RASGRP3: variants seen among roughly 807,000 people sequenced by gnomAD.
The protein encoded by RASGRP3 is ras guanyl-releasing protein 3.
Under a neutral mutation model 82.7 loss-of-function variants are expected in RASGRP3, and 54 were observed. The ratio of observed to expected loss-of-function variants is 0.65; its 90% CI spans 0.52 to 0.82. The LOEUF is 0.82. Ranked by LOEUF, RASGRP3 falls within the 40% of genes least tolerant of loss-of-function variation. RASGRP3 has a pLI of 0.00. For missense variants in RASGRP3, 861 were observed against 828.9 expected (o/e 1.04, Z -0.48); for synonymous variants, 309 against 300.5 (o/e 1.03, Z -0.29).
At chr2:33,474,570 T>C (rs2150921916), upstream of RASGRP3, among the ~76,000 whole-genome samples, 1 of 152,312 alleles carries the variant, frequency 6.6e-6, no homozygotes, top group East Asian at 1.9e-4. Context: ...CCCAAAGTGC[T>C]GGGATTATAG....
intron 5 of RASGRP3, 124 bp from the exon 6 acceptor site, chr2:33,520,429 T>A (rs1671914546): frequency 7.8e-7 from 1 of 1,274,594 alleles, no homozygotes; most frequent in Admixed American, 2.1e-5. Context: ...GATGGCTAAT[T>A]TGAAGTGTGG....
chr2:33,502,873 T>A (rs1574359043), intron 1 of RASGRP3, among the ~76,000 whole-genome samples: 1 of 152,108 alleles, frequency 6.6e-6, no homozygotes, highest in African/African-American at 2.4e-5. Flanking sequence ...CCTCTTTCTT[T>A]CTCATTCTCT....
chr2:33,542,416 A>G (rs1410298333), intron 12 of RASGRP3, among the ~76,000 whole-genome samples: 1 of 147,202 alleles, frequency 6.8e-6, no homozygotes, highest in Non-Finnish European at 1.5e-5. Context: ...TGTTTTCAAC[A>G]TGCCCACTTT....
At chr2:33,478,072 G>T (rs1667540184) in intron 1 of RASGRP3, among the ~76,000 whole-genome samples, 1 of 152,114 alleles carries the variant, frequency 6.6e-6, no homozygotes, top group South Asian at 2.1e-4. Flanking sequence ...GTGGAGAATG[G>T]ATTAAAAATG....
chr2:33,484,878 A>G (rs913016794), intron 1 of RASGRP3, among the ~76,000 whole-genome samples: 4 of 152,066 alleles, frequency 2.6e-5, no homozygotes, highest in African/African-American at 4.8e-5. Context: ...ATCCAATCAC[A>G]CTGTCTCTCA....
At chr2:33,477,795 C>G (rs560749590) in intron 1 of RASGRP3, among the ~76,000 whole-genome samples, 108 of 152,298 alleles carry the variant, frequency 7.1e-4, no homozygotes, top group African/African-American at 2.6e-3. Context: ...GAATCAGAGG[C>G]TGCAGGGAGA....
rs374034264 is a variant in RASGRP3, at chr2:33,527,244, C to T, written c.915C>T (p.His305=). ...TCAAAATCCCCATCCTTGGAGTACA[C>T]TTGAAAGACTTGATAGCTGTCCATG... is the stretch of plus-strand genomic sequence containing the variant. ...DGFKIPILGV[H]LKDLIAVHVI... The change falls in exon 10 of 18, where the codon CAC becomes CAT. Residue 305 remains histidine, a synonymous_variant. Transcript: ENST00000403687. The T allele has an allele frequency of 1.5e-5, 24 of 1,613,926 alleles. No individual in the cohort carries two copies. The highest frequency in any genetic ancestry group is 2.0e-5 in the Non-Finnish European group (24 of 1,179,896).
intron 13 of RASGRP3, among the ~76,000 whole-genome samples, chr2:33,546,422 CAA>C (rs776842532): frequency 2.5e-4 from 20 of 79,474 alleles, no homozygotes; most frequent in Admixed American, 2.9e-4. Context: ...GACTCCGTCT[CAA>C]AAAAAAAAAA....
Position 33,442,476 on chromosome 2 carries a change from C to A in RASGRP3, c.-384-5344C>A, listed in dbSNP as rs557703656. ...TCAGGAACAAAACCCAGTATGTTTT[C>A]AAAATGTACAGAGCTAAGTCTCTGT... On this transcript the variant is annotated intron_variant, in intron 1 of 18. Coordinates refer to the RASGRP3 transcript ENST00000402538. Among the ~76,000 whole-genome samples, 26 of 152,316 alleles carry A rather than the reference C, an allele frequency of 1.7e-4. No homozygotes were observed. The South Asian group carries it at 5.2e-3, about 30-fold the overall frequency.
At chr2:33,451,917 TTTG>T (rs1195777195) in intron 2 of RASGRP3, among the ~76,000 whole-genome samples, 4 of 152,216 alleles carry the variant, frequency 2.6e-5, no homozygotes, top group East Asian at 3.9e-4. Context: ...TTACTTCTTC[TTTG>T]TTGTTGTTGT....
At chr2:33,548,381 A>AAAAAAAAAAG (rs764069871) in intron 13 of RASGRP3, among the ~76,000 whole-genome samples, 23 of 128,020 alleles carry the variant, frequency 1.8e-4, no homozygotes, top group Non-Finnish European at 3.3e-4. Context: ...AAAAAAAAAA[A>AAAAAAAAAAG]AAGAAGGTAG....
chr2:33,508,581 C>T (rs932946656), intron 1 of RASGRP3, among the ~76,000 whole-genome samples: 3 of 152,128 alleles, frequency 2.0e-5, no homozygotes, highest in Non-Finnish European at 4.4e-5. Flanking sequence ...AAGTTTCTGT[C>T]TGGCAACTTC....
intron 10 of RASGRP3, among the ~76,000 whole-genome samples, chr2:33,528,240 T>C (rs569698920): frequency 1.9e-4 from 29 of 152,234 alleles, no homozygotes; most frequent in Non-Finnish European, 3.2e-4. Context: ...CCTCTCACAG[T>C]TCCTGGCATA....
chr2:33,561,794 C>A (rs1238780725), intron 17 of RASGRP3, among the ~76,000 whole-genome samples: 1 of 152,102 alleles, frequency 6.6e-6, no homozygotes, highest in Non-Finnish European at 1.5e-5. Context: ...GATTTACGCT[C>A]ATTTTAAAAT....
At chr2:33,475,166 T>A (rs529165255), upstream of RASGRP3, among the ~76,000 whole-genome samples, 1 of 152,274 alleles carries the variant, frequency 6.6e-6, no homozygotes, top group Non-Finnish European at 1.5e-5. Context: ...ATTGCATTTT[T>A]ATATCTGAAG....
chr2:33,523,992 T>C lies in RASGRP3; in HGVS notation c.630T>C (p.Leu210=). The change falls in exon 8 of 18, where the codon CTT becomes CTC. Residue 210 remains leucine, a synonymous_variant. Transcript: ENST00000403687. ...CTAAGTGGGTCCAGTTGATGGTTCTTAGCAAACCAACCCCCCAGCAAAGGG... is the reference window on the plus strand; with the variant it reads ...CTAAGTGGGTCCAGTTGATGGTTCTCAGCAAACCAACCCCCCAGCAAAGGG... The part of the protein sequence containing the change: ...GISKWVQLMV[L]SKPTPQQRAE... The C allele has an allele frequency of 6.2e-7, 1 of 1,613,956 alleles. No homozygotes were observed. Among genetic ancestry groups the C allele is most frequent in the South Asian group, 1.1e-5 (1 of 91,076 alleles).
At chr2:33,437,687 T>TC (rs1253430973) in intron 1 of RASGRP3, among the ~76,000 whole-genome samples, 1 of 152,208 alleles carries the variant, frequency 6.6e-6, no homozygotes, top group African/African-American at 2.4e-5. Context: ...TCAGTGTGGA[T>TC]CCCACTGGCC....
At chr2:33,499,738 A>G (rs894369457) in intron 1 of RASGRP3, among the ~76,000 whole-genome samples, 1 of 151,178 alleles carries the variant, frequency 6.6e-6, no homozygotes, top group Non-Finnish European at 1.5e-5. Flanking sequence ...TCAGAGAATT[A>G]CATGCCCCAT....
chr2:33,521,377 G>A (rs536225439), intron 6 of RASGRP3, among the ~76,000 whole-genome samples: 5 of 152,230 alleles, frequency 3.3e-5, no homozygotes, highest in South Asian at 2.1e-4. Flanking sequence ...TGTGTGTTAC[G>A]TATTCATAGT....
Sources: allele counts gnomAD v4.1 joint callset (sites outside exome capture counted in the v4.1 genomes callset), GRCh38; gene constraint gnomAD v4.1.1; transcripts MANE v1.5; gene names NCBI Gene and HGNC (gene_info 2026-07-23, HGNC 2026-07-21).